The following ATG12 variants were observed in gnomAD, a reference collection of about 807,000 sequenced individuals.
The protein encoded by ATG12 is autophagy related 12.
In ATG12, 19 loss-of-function variants were observed where a neutral mutation model predicts 17.6. The observed-to-expected ratio is 1.08, with a 90% CI of 0.75 to 1.58. ATG12 has a LOEUF of 1.58. Among genes scored for constraint, ATG12 ranks in the 40% most tolerant of loss-of-function variants. The pLI is 0.00. For synonymous variants in ATG12, 75 were observed against 62.4 expected, an observed-to-expected ratio of 1.20 and a Z score of -0.95; for missense variants, 214 against 162.0, an observed-to-expected ratio of 1.32 and a Z score of -1.74.
chr5:115,838,303 AT>A (rs1353853695), intron 1 of ATG12: 1 of 152,252 alleles, frequency 6.6e-6, no homozygotes, highest in African/African-American at 2.4e-5. Context: ...TTAAGCATTT[AT>A]TTTTATATGA....
rs1760927707 is a variant in ATG12, at chr5:115,832,586, T to C, written c.363+16A>G. 3 of 1,424,768 alleles carry C rather than the reference T, an allele frequency of 2.1e-6. No homozygotes were observed. The highest frequency in any genetic ancestry group is 1.5e-5 in the South Asian group (1 of 66,140). The allele number at this position is 1,424,768 out of a possible 1,614,324, so 88.3% of individuals were successfully genotyped here. A position where few individuals can be genotyped will look rare whatever the true frequency, so the allele number is the denominator to read the frequency against. The stretch of plus-strand genomic sequence containing the variant: ...TAATTTCTTTCTTTTTTTTTTTTTT[T>C]TTTTTTTTTTTTTACCTCATAGAGA... On this transcript the variant is annotated intron_variant, in intron 3 of 3. Transcript: ENST00000509910.
In ATG12 at chr5:115,830,539, G is replaced by A. The variant is rs1580561332; in HGVS notation, c.*1265C>T. The A allele has an allele frequency of 6.6e-6, 1 of 151,960 alleles. No individual in the cohort carries two copies. The highest frequency in any genetic ancestry group is 2.1e-4 in the South Asian group (1 of 4,822). 9.4% of individuals were successfully genotyped at this position (151,960 alleles called of 1,614,324 possible). A position where few individuals can be genotyped will look rare whatever the true frequency, so the allele number is the denominator to read the frequency against. On this transcript the variant is annotated 3_prime_UTR_variant, in exon 4 of 4. Transcript: ENST00000509910. ...CATTCACATTACATTCGATTTACTA[G>A]AATGCCTTTTTTTTTCTTTTTTGAG...
chr5:115,832,922 T>C (rs1478544495), intron 2 of ATG12: 2 of 321,602 alleles, frequency 6.2e-6, no homozygotes, highest in African/African-American at 2.1e-5. Context: ...AACTTTTAAA[T>C]ATTTTTTACA....
chr5:115,837,052 T>C lies in ATG12; in HGVS notation c.300+576A>G, dbSNP rs76835298. Among the ~76,000 whole-genome samples, 1,447 of 152,316 alleles carry C rather than the reference T, an allele frequency of 9.5e-3. 17 individuals carry two copies. Among genetic ancestry groups the C allele is most frequent in the Admixed American group, 0.017 (264 of 15,298 alleles). On this transcript the variant is annotated intron_variant, in intron 2 of 3. Transcript: ENST00000509910. Reference sequence around the variant, plus strand: ...AAAATCCAAAACTTCTGTAGTAATGTACAGATATTGCAATGCTCTATGATA... The same window carrying C: ...AAAATCCAAAACTTCTGTAGTAATGCACAGATATTGCAATGCTCTATGATA...
At chr5:115,832,560 G>A (rs1561450452) in intron 3 of ATG12, 42 bp downstream of exon 3, 35 of 1,244,968 alleles carry the variant, frequency 2.8e-5, no homozygotes, top group African/African-American at 8.6e-5. Context: ...AAAAAAAGCA[G>A]TAATTTCTTT....
chr5:115,832,481 G>A, intron 3 of ATG12, 121 bp downstream of exon 3: 2 of 1,154,762 alleles, frequency 1.7e-6, no homozygotes, highest in Non-Finnish European at 2.2e-6. Context: ...GCCATCTCTT[G>A]AAATAAAAAT....
chr5:115,841,480 C>T lies in ATG12; in HGVS notation c.73G>A (p.Val25Ile). The T allele has an allele frequency of 1.2e-6, 2 of 1,611,428 alleles. No individual in the cohort carries two copies. Among genetic ancestry groups the T allele is most frequent in the Non-Finnish European group, 8.5e-7 (1 of 1,179,324 alleles). ...IAAGGEGLTDVSPETTTPEPP... is the reference protein window; with the variant it reads ...IAAGGEGLTDISPETTTPEPP... Reference sequence around the variant, plus strand: ...TCCGGGGTGGTTGTTTCTGGGGAGACATCCGTAAGTCCTTCCCCTCCAGCA... The same window carrying T: ...TCCGGGGTGGTTGTTTCTGGGGAGATATCCGTAAGTCCTTCCCCTCCAGCA... The change falls in exon 1 of 4, where the codon GTC (valine) becomes ATC (isoleucine). Residue 25 changes from valine (V) to isoleucine (I), a missense_variant. By Grantham distance (29) the Val-to-Ile change is conservative (BLOSUM62 3). Transcript: ENST00000509910.
At chr5:115,833,839 A>T (rs1760985883) in intron 2 of ATG12, 1 of 152,192 alleles carries the variant, frequency 6.6e-6, no homozygotes, top group South Asian at 2.1e-4. Context: ...ATTTATGAGC[A>T]AATCCAGATT....
At chr5:115,838,606 C>CTTA (rs1761201535) in intron 1 of ATG12, 1 of 152,156 alleles carries the variant, frequency 6.6e-6, no homozygotes, top group Non-Finnish European at 1.5e-5. Flanking sequence ...CTGTTTGTAA[C>CTTA]TACCAAATTT....
At position 115,841,541 on chromosome 5, in the gene ATG12, C is replaced by A; in HGVS notation, c.12G>T (p.Glu4Asp). 2 of 1,613,658 alleles carry A rather than the reference C, an allele frequency of 1.2e-6. No homozygotes were observed. The highest frequency in any genetic ancestry group is 1.1e-5 in the South Asian group (1 of 91,082). Residue 4 changes from glutamate (E) to aspartate (D), a missense_variant, in exon 1 of 4, where the codon GAG (glutamate) becomes GAT (aspartate). By Grantham distance (45) the Glu-to-Asp change is conservative. Coordinates refer to ENST00000509910, the MANE Select transcript of ATG12 (RefSeq NM_004707.4). MAEEPQSVLQLPTS... is the reference protein window; with the variant it reads MAEDPQSVLQLPTS... ...TAGGAAGCTGCAACACAGACTGCGG[C>A]TCCTCCGCCATCTTGCTTGGAGACA...
chr5:115,833,347 T>C (rs1451560534), intron 2 of ATG12: 1 of 152,078 alleles, frequency 6.6e-6, no homozygotes, highest in Admixed American at 6.5e-5. Flanking sequence ...TATCCAAATT[T>C]GGGACTAAAA....
rs528402346 is a variant in ATG12, at chr5:115,828,604, T to C, written c.*3200A>G. ...CAAATTCTTCATATACTTAAGACAT[T>C]AAAAACACTGTCATATGTTGCAAAT... On this transcript the variant is annotated 3_prime_UTR_variant, in exon 4 of 4. Transcript: ENST00000509910. The C allele has an allele frequency of 1.3e-5, 2 of 152,326 alleles. No homozygotes were observed. The highest frequency in any genetic ancestry group is 1.3e-4 in the Admixed American group (2 of 15,304). 9.4% of individuals were successfully genotyped at this position (152,326 alleles called of 1,614,324 possible).
rs1760851733 is a variant in ATG12 at position 115,831,095 on chromosome 5, G to A, written c.*709C>T. ...CCACAGTTATGTGATTGGGACTCAAGAATCCTTAAATGTTAGGACTGAAAA... is the reference window on the plus strand; with the variant it reads ...CCACAGTTATGTGATTGGGACTCAAAAATCCTTAAATGTTAGGACTGAAAA... On this transcript the variant is annotated 3_prime_UTR_variant, in exon 4 of 4. Coordinates refer to ENST00000509910, the MANE Select transcript of ATG12 (RefSeq NM_004707.4). 1 of 152,184 alleles carries A rather than the reference G, an allele frequency of 6.6e-6. No individual in the cohort carries two copies. Among genetic ancestry groups the A allele is most frequent in the African/African-American group, 2.4e-5 (1 of 41,444 alleles). 9.4% of individuals were successfully genotyped at this position (152,184 alleles called of 1,614,324 possible).
chr5:115,831,549 G>C lies in ATG12; in HGVS notation c.*255C>G. On this transcript the variant is annotated 3_prime_UTR_variant, in exon 4 of 4. Coordinates refer to ENST00000509910, the MANE Select transcript of ATG12 (RefSeq NM_004707.4). ...TTTCAACCTTGGAGGCAGATCTGCA[G>C]CAATAATAGTAACAAGTAGGAGCAA... 1 of 543,330 alleles carries C rather than the reference G, an allele frequency of 1.8e-6. No individual in the cohort carries two copies. The allele number at this position is 543,330 out of a possible 1,614,324, so 33.7% of individuals were successfully genotyped here. A position where few individuals can be genotyped will look rare whatever the true frequency, so the allele number is the denominator to read the frequency against.
At chr5:115,838,123 G>A (rs1039999608) in intron 1 of ATG12, 4 of 176,842 alleles carry the variant, frequency 2.3e-5, no homozygotes, top group African/African-American at 9.6e-5. Flanking sequence ...GTAATTACCA[G>A]TGTAGATGAT....
chr5:115,831,962 GTA>G, intron 3 of ATG12, 99 bp from the exon 4 acceptor site: 1 of 1,092,840 alleles, frequency 9.2e-7, no homozygotes, highest in Non-Finnish European at 1.3e-6. Flanking sequence ...ATCCACACAC[GTA>G]TATTAAGTTA....
At chr5:115,840,129 A>C (rs570825786) in intron 1 of ATG12, among the ~76,000 whole-genome samples, 1 of 152,260 alleles carries the variant, frequency 6.6e-6, no homozygotes, top group African/African-American at 2.4e-5. Flanking sequence ...ACACTGTAAA[A>C]CCTGCGGAAT....
At chr5:115,835,394 T>TTCTAACTTCACAGAGCTCCCCTTGTTG (rs1761051988) in intron 2 of ATG12, among the ~76,000 whole-genome samples, 2 of 152,196 alleles carry the variant, frequency 1.3e-5, no homozygotes, top group African/African-American at 4.8e-5. Flanking sequence ...AGGGTAGTTT[T>TTCTAACTTCACAGAGCTCCCCTTGTTG]TCTAACTTCA....
At chr5:115,836,828 T>A (rs1251837314) in intron 2 of ATG12, among the ~76,000 whole-genome samples, 1 of 152,230 alleles carries the variant, frequency 6.6e-6, no homozygotes, top group East Asian at 1.9e-4. Context: ...TGTAGACATT[T>A]AAATTTCTGT....
Sources: gnomAD v4.1 joint callset for allele counts (sites outside exome capture counted in the v4.1 genomes callset) on GRCh38, gnomAD v4.1.1 for gene constraint, MANE v1.5 for transcripts, NCBI Gene and HGNC (gene_info 2026-07-23, HGNC 2026-07-21) for gene names.